The following SHISA9 variants were observed in gnomAD, a reference collection of about 807,000 sequenced individuals.
SHISA9 encodes shisa family member 9, also known as protein shisa-9.
SHISA9 carries 13 observed loss-of-function variants against 38.0 expected under a neutral mutation model. That is an observed-to-expected ratio of 0.34 (90% CI 0.22 to 0.54). The LOEUF (loss-of-function observed/expected upper bound fraction) is 0.54. SHISA9 is among the 20% of genes least tolerant of loss of function. The pLI is 0.91. For synonymous variants in SHISA9, 275 were observed against 242.0 expected, an observed-to-expected ratio of 1.14 and a Z score of -1.27; for missense variants, 538 against 575.8, an observed-to-expected ratio of 0.93 and a Z score of 0.67.
At chr16:13,498,179 A>G in the SHISA9 span, among the ~76,000 whole-genome samples, 1 of 152,224 alleles carries the variant, frequency 6.6e-6, no homozygotes, top group African/African-American at 2.4e-5. Context: ...ACAATGTAGA[A>G]GAAAAGGACC....
intron 2 of SHISA9, among the ~76,000 whole-genome samples, chr16:12,961,174 G>A (rs1248059316): frequency 6.6e-6 from 1 of 152,194 alleles, no homozygotes; most frequent in Admixed American, 6.5e-5. Flanking sequence ...CAGTGGAATA[G>A]CAACCCAGGC....
At chr16:13,461,584 A>AG in the SHISA9 span, among the ~76,000 whole-genome samples, 1 of 150,866 alleles carries the variant, frequency 6.6e-6, no homozygotes, top group Non-Finnish European at 1.5e-5. Context: ...CCTCTCAAAA[A>AG]AAAAAAAGAT....
the SHISA9 span, among the ~76,000 whole-genome samples, chr16:13,519,235 C>A: frequency 6.6e-6 from 1 of 152,116 alleles, no homozygotes; most frequent in Admixed American, 6.5e-5. Flanking sequence ...AGAAAATAAT[C>A]AAAGATTTCT....
At chr16:13,013,080 C>T (rs530880470) in intron 2 of SHISA9, among the ~76,000 whole-genome samples, 3 of 152,272 alleles carry the variant, frequency 2.0e-5, no homozygotes, top group South Asian at 2.1e-4. Context: ...AGTTAAAGGC[C>T]GAGGAAGCAG....
chr16:13,366,761 G>A, the SHISA9 span, among the ~76,000 whole-genome samples: 1 of 152,092 alleles, frequency 6.6e-6, no homozygotes, highest in Admixed American at 6.6e-5. Context: ...GCCGAGGTGG[G>A]CGATCACTTA....
chr16:12,964,736 G>A (rs1486767304), intron 2 of SHISA9, among the ~76,000 whole-genome samples: 4 of 152,094 alleles, frequency 2.6e-5, no homozygotes, highest in Non-Finnish European at 5.9e-5. Flanking sequence ...AGGGAATGTA[G>A]GGAATTCCTA....
intron 2 of SHISA9, among the ~76,000 whole-genome samples, chr16:13,002,533 CTTT>C (rs35810010): frequency 6.4e-5 from 8 of 125,628 alleles, no homozygotes; most frequent in Admixed American, 1.7e-4. Context: ...TGGTTCCTGT[CTTT>C]TTTTTTTTTT....
chr16:13,214,545 G>C lies in SHISA9; in HGVS notation c.895+1245G>C, dbSNP rs374515730. On this transcript the variant is annotated intron_variant, in intron 4 of 4. Coordinates refer to ENST00000558583, the MANE Select transcript of SHISA9 (RefSeq NM_001145204.3). The stretch of plus-strand genomic sequence containing the variant: ...ATGAGCTCGAACTGGGGAAAATTAG[G>C]AGACATTGCCAGGATATCAGCAAGA... Among the ~76,000 whole-genome samples, 3 of 152,100 alleles carry C rather than the reference G, an allele frequency of 2.0e-5. No individual in the cohort carries two copies. In the East Asian group the frequency reaches 5.8e-4, roughly 29 times the overall value.
intron 2 of SHISA9, among the ~76,000 whole-genome samples, chr16:13,089,770 T>G (rs2073754009): frequency 6.6e-6 from 1 of 152,222 alleles, no homozygotes. Context: ...ATTCATTGAT[T>G]TTTTGAAGTG....
the SHISA9 span, among the ~76,000 whole-genome samples, chr16:13,262,092 T>C: frequency 6.6e-6 from 1 of 152,222 alleles, no homozygotes; most frequent in African/African-American, 2.4e-5. Flanking sequence ...GCAGTTCTCT[T>C]TGAGGTTCAG....
chr16:13,532,810 C>A, the SHISA9 span, among the ~76,000 whole-genome samples: 1 of 152,286 alleles, frequency 6.6e-6, no homozygotes, highest in East Asian at 1.9e-4. Context: ...CTCACTCTTT[C>A]ATTCCCTGAA....
chr16:12,947,800 C>G (rs559017060), intron 2 of SHISA9, among the ~76,000 whole-genome samples: 2 of 152,182 alleles, frequency 1.3e-5, no homozygotes, highest in Non-Finnish European at 2.9e-5. Flanking sequence ...CCTGGTTCCT[C>G]TGAGAAATAG....
the SHISA9 span, among the ~76,000 whole-genome samples, chr16:13,386,294 A>G: frequency 6.6e-6 from 1 of 152,228 alleles, no homozygotes; most frequent in Non-Finnish European, 1.5e-5. Context: ...GTTAAAAATT[A>G]AAAGCTGAAA....
the SHISA9 span, among the ~76,000 whole-genome samples, chr16:13,367,656 G>GGC: frequency 2.0e-5 from 3 of 149,678 alleles, no homozygotes; most frequent in African/African-American, 4.9e-5. Context: ...TAGGATGCGG[G>GGC]GGGGAATGAA....
chr16:13,068,615 G>C (rs2073462298), intron 2 of SHISA9, among the ~76,000 whole-genome samples: 2 of 152,328 alleles, frequency 1.3e-5, no homozygotes, highest in South Asian at 2.1e-4. Context: ...GTGATTCTGA[G>C]CCATGGCTTT....
At chr16:13,220,364 C>T (rs955256569) in intron 4 of SHISA9, among the ~76,000 whole-genome samples, 1 of 152,156 alleles carries the variant, frequency 6.6e-6, no homozygotes, top group Non-Finnish European at 1.5e-5. Context: ...GAAATTCAAA[C>T]CAGCAAGCAC....
chr16:12,967,487 C>G (rs1236502845), intron 2 of SHISA9, among the ~76,000 whole-genome samples: 2 of 151,778 alleles, frequency 1.3e-5, no homozygotes, highest in Non-Finnish European at 2.9e-5. Context: ...TGCAGCACAC[C>G]AATATGGCAC....
the SHISA9 span, among the ~76,000 whole-genome samples, chr16:13,368,452 A>T: frequency 6.6e-6 from 1 of 152,142 alleles, no homozygotes; most frequent in African/African-American, 2.4e-5. Context: ...AGAAAGGCCA[A>T]TGGGAACTAA....
chr16:13,301,984 A>G, the SHISA9 span, among the ~76,000 whole-genome samples: 3,380 of 152,250 alleles, frequency 0.022, 55 homozygotes, highest in Middle Eastern at 0.041. Flanking sequence ...TAGCAATTTT[A>G]CTATTGCAGA....
Sources: allele counts gnomAD v4.1 joint callset (sites outside exome capture counted in the v4.1 genomes callset), GRCh38; gene constraint gnomAD v4.1.1; transcripts MANE v1.5; gene names NCBI Gene and HGNC (gene_info 2026-07-23, HGNC 2026-07-21).